UBAP1: variants seen among roughly 807,000 people sequenced by gnomAD.
UBAP1 encodes the protein ubiquitin associated protein 1.
UBAP1 carries 5 observed loss-of-function variants against 39.0 expected under a neutral mutation model. That is an observed-to-expected ratio of 0.13 (90% CI 0.07 to 0.27). UBAP1 has a LOEUF of 0.27. UBAP1 is among the 10% of genes least tolerant of loss of function. The pLI is 1.00. For missense variants in UBAP1, 490 were observed against 608.1 expected (o/e 0.81, Z 2.04); for synonymous variants, 211 against 225.1 (o/e 0.94, Z 0.56).
At chr9:34,233,428 G>A (rs970271894) in intron 2 of UBAP1, among the ~76,000 whole-genome samples, 14 of 151,894 alleles carry the variant, frequency 9.2e-5, no homozygotes, top group African/African-American at 3.4e-4. Context: ...CACCATGTTG[G>A]TCAGGCTGGG....
At chr9:34,250,921 G>A in intron 6 of UBAP1, 162 bp downstream of exon 6, 2 of 667,984 alleles carry the variant, frequency 3.0e-6, no homozygotes, top group Non-Finnish European at 5.4e-6. Flanking sequence ...ACAGGCCGAG[G>A]CCTGCGTTTG....
At chr9:34,211,749 CTCT>C (rs936352906) in intron 1 of UBAP1, among the ~76,000 whole-genome samples, 1 of 152,112 alleles carries the variant, frequency 6.6e-6, no homozygotes, top group African/African-American at 2.4e-5. Context: ...CTTAACCCAT[CTCT>C]TCTTCTTTCA....
intron 2 of UBAP1, among the ~76,000 whole-genome samples, chr9:34,225,273 G>C (rs1832984415): frequency 6.6e-6 from 1 of 151,788 alleles, no homozygotes; most frequent in African/African-American, 2.4e-5. Context: ...TGCTGTCTTT[G>C]ACTAGCACTT....
At chr9:34,183,223 T>G (rs1830187487) in intron 1 of UBAP1, among the ~76,000 whole-genome samples, 1 of 151,968 alleles carries the variant, frequency 6.6e-6, no homozygotes, top group African/African-American at 2.4e-5. Context: ...TCTCAAGAAA[T>G]GCAAAAAGGT....
intron 1 of UBAP1, among the ~76,000 whole-genome samples, chr9:34,200,245 A>G: frequency 6.6e-6 from 1 of 152,116 alleles, no homozygotes; most frequent in South Asian, 2.1e-4. Flanking sequence ...TATATTTTGG[A>G]TTAAAGTCCC....
chr9:34,249,739 C>T, intron 4 of UBAP1, 40 bp from the exon 5 acceptor site: 1 of 1,598,240 alleles, frequency 6.3e-7, no homozygotes, highest in Non-Finnish European at 8.6e-7. Flanking sequence ...TCTTTGGGGG[C>T]CCAGGTCTTC....
At chr9:34,227,714 A>G (rs1342952336) in intron 2 of UBAP1, among the ~76,000 whole-genome samples, 1 of 152,248 alleles carries the variant, frequency 6.6e-6, no homozygotes, top group Non-Finnish European at 1.5e-5. Flanking sequence ...TGAGGCATGC[A>G]CTTAGTGGCT....
chr9:34,196,688 TC>T (rs1305913549), intron 1 of UBAP1, among the ~76,000 whole-genome samples: 2 of 151,844 alleles, frequency 1.3e-5, no homozygotes, highest in Non-Finnish European at 2.9e-5. Context: ...CAAGTGATCC[TC>T]CTGTCTCAGC....
intron 3 of UBAP1, among the ~76,000 whole-genome samples, chr9:34,234,990 G>A (rs1211630131): frequency 6.6e-6 from 1 of 152,188 alleles, no homozygotes; most frequent in Non-Finnish European, 1.5e-5. Context: ...AGACCATACA[G>A]TGAAACAAGA....
intron 2 of UBAP1, among the ~76,000 whole-genome samples, chr9:34,226,105 T>TTGTG (rs74180553): frequency 0.017 from 1,470 of 88,182 alleles, 37 homozygotes; most frequent in African/African-American, 0.062. Context: ...TCCTACTCTA[T>TTGTG]TGTGTGTGTG....
chr9:34,207,392 TAAAA>T (rs1275308501), intron 1 of UBAP1, among the ~76,000 whole-genome samples: 2 of 135,494 alleles, frequency 1.5e-5, no homozygotes, highest in Non-Finnish European at 3.2e-5. Flanking sequence ...CTTGTCTAAT[TAAAA>T]AAAAAAAAAA....
intron 1 of UBAP1, among the ~76,000 whole-genome samples, chr9:34,193,097 A>C (rs1830824170): frequency 6.6e-6 from 1 of 152,086 alleles, no homozygotes; most frequent in African/African-American, 2.4e-5. Context: ...ACTTGAGGTC[A>C]GGAGTTTGAG....
At chr9:34,234,568 C>T (rs1440708536) in intron 3 of UBAP1, among the ~76,000 whole-genome samples, 1 of 151,982 alleles carries the variant, frequency 6.6e-6, no homozygotes, top group African/African-American at 2.4e-5. Flanking sequence ...ATCACTTGAG[C>T]TCAGGAGTTT....
chr9:34,251,621 T>G lies in UBAP1; in HGVS notation c.*89T>G, dbSNP rs915443584. 2 of 1,452,616 alleles carry G rather than the reference T, an allele frequency of 1.4e-6. No homozygotes were observed. The highest frequency in any genetic ancestry group is 2.4e-5 in the Admixed American group (1 of 41,276). The allele number at this position is 1,452,616 out of a possible 1,614,324, so 90.0% of individuals were successfully genotyped here. A position where few individuals can be genotyped will look rare whatever the true frequency, so the allele number is the denominator to read the frequency against. On this transcript the variant is annotated 3_prime_UTR_variant, in exon 7 of 7. Coordinates refer to ENST00000297661, the MANE Select transcript of UBAP1 (RefSeq NM_016525.5). ...CTGTGGGGAAAGAGAAGGGGCAGCT[T>G]CCGGATTTTCTTTTGGGGGTTAGAA...
intron 1 of UBAP1, among the ~76,000 whole-genome samples, chr9:34,206,710 A>G (rs1252146918): frequency 6.6e-6 from 1 of 152,120 alleles, no homozygotes; most frequent in Non-Finnish European, 1.5e-5. Context: ...TGAAAATAGT[A>G]TTTCTACATT....
chr9:34,232,167 G>T (rs1233341008), intron 2 of UBAP1, among the ~76,000 whole-genome samples: 1 of 152,092 alleles, frequency 6.6e-6, no homozygotes, highest in Non-Finnish European at 1.5e-5. Flanking sequence ...GTGCAGTTTT[G>T]TATTTTCAGT....
chr9:34,241,105 G>A, intron 3 of UBAP1, 80 bp from the exon 4 acceptor site: 1 of 1,031,318 alleles, frequency 9.7e-7, no homozygotes, highest in Non-Finnish European at 1.3e-6. Flanking sequence ...TGCACCAGGA[G>A]TGAGGAAGGA....
chr9:34,205,878 G>A (rs982432267), intron 1 of UBAP1, among the ~76,000 whole-genome samples: 6 of 152,306 alleles, frequency 3.9e-5, no homozygotes, highest in African/African-American at 1.4e-4. Flanking sequence ...TGTAGTCCCA[G>A]CTACTCAGGA....
At chr9:34,200,434 C>T (rs1211332282) in intron 1 of UBAP1, among the ~76,000 whole-genome samples, 1 of 152,132 alleles carries the variant, frequency 6.6e-6, no homozygotes, top group Non-Finnish European at 1.5e-5. Flanking sequence ...TTTTAGGAGC[C>T]ACCCTTTTAG....
Sources: allele counts gnomAD v4.1 joint callset (sites outside exome capture counted in the v4.1 genomes callset), GRCh38; gene constraint gnomAD v4.1.1; transcripts MANE v1.5; gene names NCBI Gene and HGNC (gene_info 2026-07-23, HGNC 2026-07-21).